CFAP95: variants seen among roughly 807,000 people sequenced by gnomAD.
CFAP95 encodes cilia and flagella associated protein 95.
chr9:69,904,444 A>G, the CFAP95 span, among the ~76,000 whole-genome samples: 1 of 152,254 alleles, frequency 6.6e-6, no homozygotes, highest in Non-Finnish European at 1.5e-5. Context: ...AATTGATGAC[A>G]TGTGAATGAT....
chr9:69,862,897 T>C, the CFAP95 span, among the ~76,000 whole-genome samples: 1 of 152,262 alleles, frequency 6.6e-6, no homozygotes, highest in Non-Finnish European at 1.5e-5. Flanking sequence ...ATGAAACTAA[T>C]TGAAAATCAG....
chr9:69,876,570 T>C, the CFAP95 span, among the ~76,000 whole-genome samples: 2 of 152,128 alleles, frequency 1.3e-5, no homozygotes, highest in East Asian at 3.9e-4. Context: ...AAATTAATTC[T>C]GTTATTAATC....
chr9:69,877,624 G>A, the CFAP95 span, among the ~76,000 whole-genome samples: 2 of 152,052 alleles, frequency 1.3e-5, no homozygotes, highest in Admixed American at 1.3e-4. Context: ...TGCTATTTTT[G>A]TATATTGATC....
the CFAP95 span, among the ~76,000 whole-genome samples, chr9:69,896,476 T>C: frequency 6.6e-6 from 1 of 152,232 alleles, no homozygotes; most frequent in Admixed American, 6.5e-5. Flanking sequence ...GAGATATTTA[T>C]ATTTCTATCC....
the CFAP95 span, among the ~76,000 whole-genome samples, chr9:69,843,702 T>C: frequency 6.7e-6 from 1 of 148,596 alleles, no homozygotes; most frequent in Non-Finnish European, 1.5e-5. Flanking sequence ...TGGAGTTCAG[T>C]GGCACAATCA....
the CFAP95 span, among the ~76,000 whole-genome samples, chr9:69,838,704 C>A: frequency 6.6e-6 from 1 of 150,928 alleles, no homozygotes; most frequent in Admixed American, 6.6e-5. Flanking sequence ...TTCCTCTTTT[C>A]CTAATTGAAT....
At chr9:69,889,116 A>G in the CFAP95 span, among the ~76,000 whole-genome samples, 1 of 152,206 alleles carries the variant, frequency 6.6e-6, no homozygotes, top group Non-Finnish European at 1.5e-5. Context: ...TACCAGGCTC[A>G]GCTGCTTTTG....
At chr9:69,894,938 C>T in the CFAP95 span, among the ~76,000 whole-genome samples, 4 of 151,052 alleles carry the variant, frequency 2.6e-5, no homozygotes, top group Non-Finnish European at 5.9e-5. Context: ...TGGCAGTGAG[C>T]CTAGATTGCA....
chr9:69,871,723 G>A, the CFAP95 span, among the ~76,000 whole-genome samples: 55 of 152,278 alleles, frequency 3.6e-4, no homozygotes, highest in African/African-American at 1.2e-3. Context: ...AGGAGGAAGA[G>A]CCAACATCAG....
the CFAP95 span, among the ~76,000 whole-genome samples, chr9:69,823,760 T>C: frequency 6.6e-6 from 1 of 152,116 alleles, no homozygotes; most frequent in Admixed American, 6.5e-5. Flanking sequence ...TTTATAGGAT[T>C]TGGATAGATA....
chr9:69,845,811 C>T, the CFAP95 span, among the ~76,000 whole-genome samples: 1 of 152,292 alleles, frequency 6.6e-6, no homozygotes, highest in African/African-American at 2.4e-5. Context: ...TTTCTCTCTG[C>T]TCAGGTTTAC....
the CFAP95 span, chr9:69,856,751 T>C: frequency 1.1e-6 from 1 of 901,874 alleles, no homozygotes. Context: ...AAAGGTATAG[T>C]GACCCCAGTT....
chr9:69,838,050 A>G, the CFAP95 span, among the ~76,000 whole-genome samples: 1 of 152,144 alleles, frequency 6.6e-6, no homozygotes, highest in Non-Finnish European at 1.5e-5. Context: ...GTAGATATGC[A>G]GCATTATTTC....
chr9:69,868,427 G>T, the CFAP95 span, among the ~76,000 whole-genome samples: 1 of 151,878 alleles, frequency 6.6e-6, no homozygotes, highest in Non-Finnish European at 1.5e-5. Context: ...GGAGGCCAAG[G>T]GCAGTGAATC....
At chr9:69,895,802 A>G in the CFAP95 span, among the ~76,000 whole-genome samples, 1 of 151,930 alleles carries the variant, frequency 6.6e-6, no homozygotes, top group Non-Finnish European at 1.5e-5. Flanking sequence ...GAAGTTATTT[A>G]TTAACTTTTT....
the CFAP95 span, chr9:69,906,014 G>T: frequency 6.5e-5 from 105 of 1,613,010 alleles, no homozygotes; most frequent in Non-Finnish European, 8.2e-5. Flanking sequence ...TCAGTTCACG[G>T]ATCTAAATGG....
chr9:69,905,187 C>T, the CFAP95 span, among the ~76,000 whole-genome samples: 1 of 152,112 alleles, frequency 6.6e-6, no homozygotes, highest in Non-Finnish European at 1.5e-5. Flanking sequence ...TGACAAAACC[C>T]ATCTAAGATT....
At chr9:69,895,905 C>A in the CFAP95 span, among the ~76,000 whole-genome samples, 4 of 152,174 alleles carry the variant, frequency 2.6e-5, no homozygotes, top group Admixed American at 6.5e-5. Flanking sequence ...AAGTGATCCT[C>A]CTGCCTCAGC....
the CFAP95 span, among the ~76,000 whole-genome samples, chr9:69,871,472 C>A: frequency 6.6e-6 from 1 of 150,790 alleles, no homozygotes. Context: ...TGGTAGGCAA[C>A]TGAGATTGCA....
Sources: allele counts gnomAD v4.1 joint callset (sites outside exome capture counted in the v4.1 genomes callset), GRCh38; gene constraint gnomAD v4.1.1; transcripts MANE v1.5; gene names NCBI Gene and HGNC (gene_info 2026-07-23, HGNC 2026-07-21).